Variants in GABRB3 observed in about 807,000 individuals in gnomAD.
GABRB3 encodes gamma-aminobutyric acid receptor subunit beta-3.
Under a neutral mutation model 52.1 loss-of-function variants are expected in GABRB3, and 14 were observed. The observed-to-expected ratio is 0.27, with a 90% confidence interval of 0.18 to 0.42. GABRB3 has a LOEUF of 0.42. Ranked by LOEUF, GABRB3 falls within the 10% of genes least tolerant of loss-of-function variation. The pLI is 1.00. For missense variants in GABRB3, 307 were observed against 609.1 expected (o/e 0.50, Z 5.22); for synonymous variants, 260 against 232.3 (o/e 1.12, Z -1.08).
intron 3 of GABRB3, among the ~76,000 whole-genome samples, chr15:26,765,350 G>GT (rs1890968665): frequency 6.6e-6 from 1 of 152,018 alleles, no homozygotes; most frequent in African/African-American, 2.4e-5. Context: ...AGTGAAAGGG[G>GT]TACCAGCTAC....
chr15:26,701,273 AT>A (rs1040517027), intron 3 of GABRB3, among the ~76,000 whole-genome samples: 1 of 151,958 alleles, frequency 6.6e-6, no homozygotes, highest in African/African-American at 2.4e-5. Context: ...GGGGAAAAAA[AT>A]AGAGAGAAAA....
intron 3 of GABRB3, among the ~76,000 whole-genome samples, chr15:26,655,566 C>T (rs986766534): frequency 6.6e-6 from 1 of 152,042 alleles, no homozygotes; most frequent in South Asian, 2.1e-4. Flanking sequence ...CACGGTGAAA[C>T]CCTGTCTCTA....
chr15:26,715,902 C>T (rs1322954691), intron 3 of GABRB3, among the ~76,000 whole-genome samples: 2 of 152,150 alleles, frequency 1.3e-5, no homozygotes, highest in Non-Finnish European at 2.9e-5. Context: ...CCATAGTTTG[C>T]TCTAAGATTT....
At chr15:26,697,450 C>T (rs1334094523) in intron 3 of GABRB3, among the ~76,000 whole-genome samples, 2 of 152,138 alleles carry the variant, frequency 1.3e-5, no homozygotes, top group African/African-American at 4.8e-5. Context: ...CAATCCCTGA[C>T]CACCAAGGGT....
In GABRB3 at chr15:26,629,167, A is replaced by G. The variant is rs1892832255; in HGVS notation, c.241-7633T>C. On this transcript the variant is annotated intron_variant, in intron 3 of 8. Coordinates refer to ENST00000311550, the MANE Select transcript of GABRB3 (RefSeq NM_000814.6). ...GGCGCAGGGGCGGAGTGTGGGGAGAAGCAGCTCCCGGGAGACGGAGGGCTT... is the reference window on the plus strand; with the variant it reads ...GGCGCAGGGGCGGAGTGTGGGGAGAGGCAGCTCCCGGGAGACGGAGGGCTT... 4.0e-6 allele frequency: 6 copies of G among 1,495,802 alleles called. No homozygotes were observed. In the South Asian group the frequency reaches 6.3e-5, roughly 16 times the overall value. 92.7% of individuals were successfully genotyped at this position (1,495,802 alleles called of 1,614,324 possible). A position where few individuals can be genotyped will look rare whatever the true frequency, so the allele number is the denominator to read the frequency against.
At chr15:26,698,999 A>G (rs1416083790) in intron 3 of GABRB3, among the ~76,000 whole-genome samples, 5 of 152,214 alleles carry the variant, frequency 3.3e-5, no homozygotes, top group Non-Finnish European at 4.4e-5. Flanking sequence ...TAAGAGAAAA[A>G]GGAACGTCAT....
chr15:26,601,080 C>T (rs1385759414), intron 4 of GABRB3, among the ~76,000 whole-genome samples: 1 of 152,002 alleles, frequency 6.6e-6, no homozygotes, highest in East Asian at 1.9e-4. Flanking sequence ...CTACGTAAGG[C>T]TCATGGTAAG....
chr15:26,680,374 C>A (rs1156314452), intron 3 of GABRB3, among the ~76,000 whole-genome samples: 1 of 152,182 alleles, frequency 6.6e-6, no homozygotes, highest in Non-Finnish European at 1.5e-5. Context: ...CCCTTCCTAA[C>A]ACTGCAAGTG....
chr15:26,662,646 G>T (rs1419101730), intron 3 of GABRB3, among the ~76,000 whole-genome samples: 1 of 152,108 alleles, frequency 6.6e-6, no homozygotes, highest in South Asian at 2.1e-4. Context: ...GTCCTTGCAC[G>T]CACAGCTCGC....
intron 3 of GABRB3, among the ~76,000 whole-genome samples, chr15:26,669,358 T>G (rs1887816275): frequency 6.6e-6 from 1 of 152,182 alleles, no homozygotes; most frequent in East Asian, 1.9e-4. Context: ...TTTTCCTCAT[T>G]TGCTTATTGG....
intron 3 of GABRB3, among the ~76,000 whole-genome samples, chr15:26,678,566 G>C (rs1228031458): frequency 6.7e-6 from 1 of 150,328 alleles, no homozygotes; most frequent in East Asian, 1.9e-4. Flanking sequence ...ATGAGAGTGA[G>C]AGAGAGAGAG....
intron 8 of GABRB3, among the ~76,000 whole-genome samples, chr15:26,558,302 G>C (rs1017336136): frequency 6.6e-6 from 1 of 152,144 alleles, no homozygotes; most frequent in Non-Finnish European, 1.5e-5. Context: ...TGTGCTGAAA[G>C]GAAGGAGCCA....
At position 26,680,736 on chromosome 15, in the gene GABRB3, A is replaced by G. The variant is rs139811348; in HGVS notation, c.241-59202T>C. 2.1e-3 allele frequency among the ~76,000 whole-genome samples: 314 copies of G among 152,346 alleles called. 3 individuals carry two copies. The highest frequency in any genetic ancestry group is 7.0e-3 in the African/African-American group (292 of 41,584). ...TAGAATTGGATATGAGAAATATCCA[A>G]TAAGTAGGCATGATTATTCAACAAC... On this transcript the variant is annotated intron_variant, in intron 3 of 8. Coordinates refer to ENST00000311550, the MANE Select transcript of GABRB3 (RefSeq NM_000814.6).
chr15:26,663,520 T>A (rs1887612392), intron 3 of GABRB3, among the ~76,000 whole-genome samples: 1 of 152,250 alleles, frequency 6.6e-6, no homozygotes, highest in Non-Finnish European at 1.5e-5. Flanking sequence ...GACATAGTCA[T>A]GCCTGCTTTT....
intron 3 of GABRB3, among the ~76,000 whole-genome samples, chr15:26,704,098 TG>T (rs1889021826): frequency 6.6e-6 from 1 of 152,144 alleles, no homozygotes; most frequent in Admixed American, 6.5e-5. Context: ...CTTTGACATC[TG>T]GGAGGAGGAA....
intron 4 of GABRB3, among the ~76,000 whole-genome samples, chr15:26,585,750 C>G (rs889948788): frequency 2.0e-5 from 3 of 152,196 alleles, no homozygotes; most frequent in Non-Finnish European, 4.4e-5. Flanking sequence ...GCATTACATT[C>G]TGTGATCCCA....
At chr15:26,557,216 C>T (rs987739923) in intron 8 of GABRB3, among the ~76,000 whole-genome samples, 5 of 152,020 alleles carry the variant, frequency 3.3e-5, no homozygotes, top group Admixed American at 2.6e-4. Context: ...TAAGTAGGAG[C>T]TAAACACTGA....
At chr15:26,618,360 C>T (rs1892345233) in intron 4 of GABRB3, among the ~76,000 whole-genome samples, 1 of 151,778 alleles carries the variant, frequency 6.6e-6, no homozygotes, top group South Asian at 2.1e-4. Context: ...GAAATAACGC[C>T]ACATATCTAC....
At chr15:26,655,781 T>C (rs1887354588) in intron 3 of GABRB3, among the ~76,000 whole-genome samples, 1 of 151,820 alleles carries the variant, frequency 6.6e-6, no homozygotes, top group African/African-American at 2.4e-5. Context: ...CATACCTGTG[T>C]ACTTGTACCT....
Sources: allele counts gnomAD v4.1 joint callset (sites outside exome capture counted in the v4.1 genomes callset), GRCh38; gene constraint gnomAD v4.1.1; transcripts MANE v1.5; gene names NCBI Gene and HGNC (gene_info 2026-07-23, HGNC 2026-07-21).